The following IQSEC3 variants were observed in gnomAD, a reference collection of about 807,000 sequenced individuals.
The protein encoded by IQSEC3 is IQ motif and Sec7 domain ArfGEF 3.
In IQSEC3, 50 loss-of-function variants were observed where a neutral mutation model predicts 105.4. The observed-to-expected ratio is 0.47, with a 90% confidence interval of 0.38 to 0.60. The LOEUF is 0.60. Ranked by LOEUF, IQSEC3 falls within the 20% of genes least tolerant of loss-of-function variation. The pLI is 0.00. For synonymous variants in IQSEC3, 708 were observed against 746.0 expected (o/e 0.95, Z 0.83); for missense variants, 1,415 against 1,630.0 (o/e 0.87, Z 2.27).
intron 5 of IQSEC3, chr12:148,018 A>G (rs1016816159): frequency 3.3e-5 from 5 of 152,148 alleles, no homozygotes; most frequent in African/African-American, 1.2e-4. Flanking sequence ...GCCCTGTTGT[A>G]TACCAGGAAC....
In IQSEC3 at chr12:149,512, C is replaced by G. The variant is rs569740083; in HGVS notation, c.2154-7513C>G. On this transcript the variant is annotated intron_variant, in intron 5 of 13. Coordinates refer to ENST00000538872, the MANE Select transcript of IQSEC3 (RefSeq NM_001170738.2). The stretch of plus-strand genomic sequence containing the variant: ...CCACTGAGGCTCCTTCTCCAGCTGC[C>G]GGCATGCAGTCATTCCTGGTCATCT... 9.1e-4 allele frequency among the ~76,000 whole-genome samples: 138 copies of G among 152,280 alleles called. 1 individual carries two copies. Among genetic ancestry groups the G allele is most frequent in the African/African-American group, 3.1e-3 (128 of 41,564 alleles).
chr12:145,713 C>T (rs1768764653), intron 5 of IQSEC3, among the ~76,000 whole-genome samples: 3 of 152,252 alleles, frequency 2.0e-5, no homozygotes, highest in Admixed American at 2.0e-4. Context: ...CTAGGGCCCT[C>T]TAGGGCTGGA....
intron 1 of IQSEC3, among the ~76,000 whole-genome samples, chr12:97,312 T>G (rs1864270313): frequency 6.6e-6 from 1 of 152,240 alleles, no homozygotes; most frequent in Non-Finnish European, 1.5e-5. Flanking sequence ...GTCTTTTGAC[T>G]TATTAGGGTA....
chr12:86,497 T>G (rs1863921444), intron 1 of IQSEC3, among the ~76,000 whole-genome samples: 1 of 152,218 alleles, frequency 6.6e-6, no homozygotes, highest in Non-Finnish European at 1.5e-5. Flanking sequence ...CTAAGCATTT[T>G]AGATCTGTTA....
chr12:175,389 C>G lies in IQSEC3; in HGVS notation c.*356C>G. 1 of 230,022 alleles carries G rather than the reference C, an allele frequency of 4.3e-6. No individual in the cohort carries two copies. The highest frequency in any genetic ancestry group is 1.3e-4 in the South Asian group (1 of 7,602). The allele number at this position is 230,022 out of a possible 1,614,324, so 14.2% of individuals were successfully genotyped here. ...TGCAGGCTTTGAGTCTGTTAGTGCC[C>G]GGGGCCTCGGGCCTTGGGCAGCAGC... On this transcript the variant is annotated 3_prime_UTR_variant, in exon 14 of 14. Transcript: ENST00000538872.
At chr12:146,160 A>C (rs1297630981) in intron 5 of IQSEC3, among the ~76,000 whole-genome samples, 1 of 152,268 alleles carries the variant, frequency 6.6e-6, no homozygotes, top group Non-Finnish European at 1.5e-5. Context: ...CAAATTCAAC[A>C]GTCTGGAAGG....
intron 1 of IQSEC3, among the ~76,000 whole-genome samples, chr12:82,386 T>C (rs1488539948): frequency 2.0e-5 from 3 of 152,152 alleles, no homozygotes; most frequent in Non-Finnish European, 4.4e-5. Flanking sequence ...ATGGGAGGAA[T>C]TGTAGAAAGT....
At chr12:119,001 CG>C (rs1865136659) in intron 2 of IQSEC3, among the ~76,000 whole-genome samples, 1 of 152,214 alleles carries the variant, frequency 6.6e-6, no homozygotes, top group Admixed American at 6.5e-5. Context: ...TACTTCCCAC[CG>C]TGGTGGATAT....
rs560279938 is a variant in IQSEC3 at position 171,143 on chromosome 12, G to C, written c.3096G>C (p.Pro1032=). 4 of 1,613,692 alleles carry C rather than the reference G, an allele frequency of 2.5e-6. No homozygotes were observed. The Admixed American group carries it at 5.0e-5, about 20-fold the overall frequency. ...GGGAAGCCGCGCTCAGGGAGAGGCC[G>C]GCGGAGAGCACGGTGGAGGTAAGTG... is the stretch of plus-strand genomic sequence containing the variant. ...AKREAALRER[P]AESTVEVSIH... Residue 1032 remains proline, a synonymous_variant, in exon 13 of 14, where the codon CCG becomes CCC. Transcript: ENST00000538872.
chr12:87,968 C>T (rs77989723), intron 1 of IQSEC3, among the ~76,000 whole-genome samples: 1 of 152,172 alleles, frequency 6.6e-6, no homozygotes, highest in Non-Finnish European at 1.5e-5. Context: ...AGGATTCCCG[C>T]AGGCTTCACC....
At position 67,321 on chromosome 12, in the gene IQSEC3, G is replaced by C; in HGVS notation, c.439G>C (p.Ala147Pro). The part of the protein sequence containing the change: ...SPHKHLGTQG[A>P]VTDKEKERPP... ...CCACAAGCATCTGGGGACACAAGGG[G>C]CCGTGACTGACAAGGAGAAGGAGCG... The change falls in exon 1 of 14, where the codon GCC (alanine) becomes CCC (proline). Residue 147 changes from alanine to proline, a missense_variant. Around this residue, in one of 6 missense-constraint regions of IQSEC3, gnomAD observed 26 missense variants for 108.1 expected, o/e 0.24. Transcript: ENST00000538872. 6.3e-7 allele frequency: 1 copy of C among 1,598,436 alleles called. No homozygotes were observed. Among genetic ancestry groups the C allele is most frequent in the Non-Finnish European group, 8.5e-7 (1 of 1,179,584 alleles).
In IQSEC3 at chr12:138,240, T is replaced by A; in HGVS notation, c.904-27T>A. 1 of 1,580,810 alleles carries A rather than the reference T, an allele frequency of 6.3e-7. No individual in the cohort carries two copies. Among genetic ancestry groups the A allele is most frequent in the South Asian group, 1.2e-5 (1 of 86,736 alleles). On this transcript the variant is annotated intron_variant, in intron 3 of 13. Transcript: ENST00000538872. This position sits in a 1 kb window ranked among gnomAD's most constrained non-coding sequence, Gnocchi z 7.1. Reference sequence around the variant, plus strand: ...TGACCACCCTTCCCCTCTGAGCCCTTCCTCCTCTCTGTCCTCGTCCTTGCA... The same window carrying A: ...TGACCACCCTTCCCCTCTGAGCCCTACCTCCTCTCTGTCCTCGTCCTTGCA...
rs781987152 is a variant in IQSEC3, at chr12:157,165, C to T, written c.2276+18C>T. ...GCCTTCAGGTAAGGCCGCTTCCCAG[C>T]TCCACTCCCCAACAGACCCCAGCGT... On this transcript the variant is annotated intron_variant, in intron 6 of 13. Coordinates refer to ENST00000538872, the MANE Select transcript of IQSEC3 (RefSeq NM_001170738.2). 5.2e-6 allele frequency: 8 copies of T among 1,538,662 alleles called. No homozygotes were observed. The highest frequency in any genetic ancestry group is 7.0e-6 in the Non-Finnish European group (8 of 1,140,924).
In IQSEC3 at chr12:125,593, C is replaced by T. The variant is rs1555083001; in HGVS notation, c.624-40C>T. The T allele has an allele frequency of 7.5e-6, 11 of 1,462,928 alleles. No individual in the cohort carries two copies. In the African/African-American group the frequency reaches 1.5e-4, roughly 20 times the overall value. 90.6% of individuals were successfully genotyped at this position (1,462,928 alleles called of 1,614,324 possible). ...CCCCACATCCACACGCACCCTGTCG[C>T]CCTCTCCCCCAACCGAGCACCGTTG... On this transcript the variant is annotated intron_variant, in intron 2 of 13. Transcript: ENST00000538872.
intron 2 of IQSEC3, 28 bp from the exon 3 acceptor site, chr12:125,605 A>G (rs1865363033): frequency 1.6e-5 from 24 of 1,472,166 alleles, no homozygotes; most frequent in Non-Finnish European, 2.1e-5. Context: ...CTCTCCCCCA[A>G]CCGAGCACCG....
At chr12:156,295 G>A (rs1382761562) in intron 5 of IQSEC3, among the ~76,000 whole-genome samples, 1 of 152,206 alleles carries the variant, frequency 6.6e-6, no homozygotes, top group Non-Finnish European at 1.5e-5. Flanking sequence ...AGGTCACACA[G>A]AGGCCCCAGG....
chr12:171,419 C>T (rs1301231800), intron 13 of IQSEC3: 5 of 1,180,072 alleles, frequency 4.2e-6, no homozygotes, highest in Non-Finnish European at 4.9e-6. Context: ...CCCAGACTAA[C>T]ACAGTGGAGA....
chr12:145,678 G>A (rs971634930), intron 5 of IQSEC3, among the ~76,000 whole-genome samples: 16 of 152,246 alleles, frequency 1.1e-4, no homozygotes, highest in African/African-American at 1.7e-4. Context: ...GCAGGCCAGC[G>A]GCAGGAGCCA....
chr12:98,532 G>A (rs544646588), intron 1 of IQSEC3, among the ~76,000 whole-genome samples: 17 of 152,284 alleles, frequency 1.1e-4, no homozygotes, highest in East Asian at 3.9e-4. Context: ...GGTTAGCCTC[G>A]TATGACACAG....
Sources: allele counts gnomAD v4.1 joint callset (sites outside exome capture counted in the v4.1 genomes callset), GRCh38; gene constraint gnomAD v4.1.1; regional missense constraint gnomAD v4.1.1; non-coding constraint Gnocchi (gnomAD v3.1); transcripts MANE v1.5; gene names NCBI Gene and HGNC (gene_info 2026-07-23, HGNC 2026-07-21).